GRB10: variants seen among roughly 807,000 people sequenced by gnomAD.
GRB10 encodes growth factor receptor bound protein 10, also known as growth factor receptor-bound protein 10.
In GRB10, 20 loss-of-function variants were observed where a neutral mutation model predicts 80.9. The ratio of observed to expected loss-of-function variants is 0.25; its 90% CI spans 0.17 to 0.36. GRB10 has a LOEUF of 0.36. Ranked by LOEUF, GRB10 falls within the 10% of genes least tolerant of loss-of-function variation. The pLI is 1.00. For missense variants in GRB10, 548 were observed against 747.7 expected, an observed-to-expected ratio of 0.73 and a Z score of 3.12; for synonymous variants, 291 against 291.5, an observed-to-expected ratio of 1.00 and a Z score of 0.02.
chr7:50,663,461 G>C (rs2153630903), intron 7 of GRB10, among the ~76,000 whole-genome samples: 1 of 152,294 alleles, frequency 6.6e-6, no homozygotes, highest in Non-Finnish European at 1.5e-5. Flanking sequence ...CCTCCACTTG[G>C]GATGAGTGCC....
At chr7:50,737,487 A>G (rs1313978359) in intron 3 of GRB10, among the ~76,000 whole-genome samples, 2 of 152,234 alleles carry the variant, frequency 1.3e-5, no homozygotes, top group Non-Finnish European at 1.5e-5. Context: ...CTGTGAGTCA[A>G]TTAAACCTCT....
At chr7:50,629,049 G>C (rs187888624) in intron 7 of GRB10, among the ~76,000 whole-genome samples, 19 of 152,280 alleles carry the variant, frequency 1.2e-4, no homozygotes, top group African/African-American at 4.6e-4. Context: ...AACCATCATA[G>C]GGAATGTCTT....
chr7:50,717,964 A>T (rs1287716094), intron 4 of GRB10, among the ~76,000 whole-genome samples: 2 of 152,148 alleles, frequency 1.3e-5, no homozygotes. Context: ...CCCAGTTCTG[A>T]TCCCCCCAGG....
chr7:50,637,985 AATTGGCTATCTCTATGAAC>A (rs2055397307), intron 7 of GRB10, among the ~76,000 whole-genome samples: 1 of 152,240 alleles, frequency 6.6e-6, no homozygotes, highest in African/African-American at 2.4e-5. Context: ...GTGCTGGGAA[AATTGGCTATCTCTATGAAC>A]ATCTCTATCC....
chr7:50,758,064 A>G (rs182666101), intron 2 of GRB10, among the ~76,000 whole-genome samples: 1 of 152,328 alleles, frequency 6.6e-6, no homozygotes, highest in African/African-American at 2.4e-5. Flanking sequence ...TTGACAAAAC[A>G]AAGACAACAT....
chr7:50,672,683 G>T (rs74908477), intron 6 of GRB10, among the ~76,000 whole-genome samples: 1 of 152,068 alleles, frequency 6.6e-6, no homozygotes, highest in Admixed American at 6.5e-5. Flanking sequence ...GAGGTTCAAG[G>T]GTCCTGGGCA....
rs183084663 is a variant in GRB10, at chr7:50,675,226, C to G, written c.140-568G>C. On this transcript the variant is annotated intron_variant, in intron 5 of 18. Transcript: ENST00000401949. ...ACACATGCCTGAGGGCTTCGGGTGC[C>G]CACCCATCCTCTCGATTGGCCAGAG... is the stretch of plus-strand genomic sequence containing the variant. Among the ~76,000 whole-genome samples the G allele has an allele frequency of 2.7e-3, 406 of 152,354 alleles. 3 individuals carry two copies. The highest frequency in any genetic ancestry group is 7.5e-3 in the South Asian group (36 of 4,830).
intron 4 of GRB10, chr7:50,710,840 A>G (rs763824983): frequency 9.9e-6 from 16 of 1,609,656 alleles, no homozygotes; most frequent in African/African-American, 2.7e-5. Flanking sequence ...CAGCAACTAA[A>G]GGTACTGAGT....
At chr7:50,671,066 G>A (rs1354916202) in intron 6 of GRB10, among the ~76,000 whole-genome samples, 1 of 152,206 alleles carries the variant, frequency 6.6e-6, no homozygotes, top group Non-Finnish European at 1.5e-5. Context: ...CAAAGCGAAT[G>A]TCAAGTGTCT....
At chr7:50,736,448 T>C (rs1040547285) in intron 3 of GRB10, among the ~76,000 whole-genome samples, 2 of 152,012 alleles carry the variant, frequency 1.3e-5, no homozygotes, top group South Asian at 2.1e-4. Context: ...TGATTTTCAG[T>C]AAGGATGCCA....
At chr7:50,665,077 A>G (rs2059663520) in intron 7 of GRB10, among the ~76,000 whole-genome samples, 1 of 152,256 alleles carries the variant, frequency 6.6e-6, no homozygotes, top group Non-Finnish European at 1.5e-5. Context: ...CACAGAAGCT[A>G]TACCTTCCAA....
chr7:50,626,101 G>A (rs923621570), intron 8 of GRB10, among the ~76,000 whole-genome samples: 14 of 152,278 alleles, frequency 9.2e-5, no homozygotes, highest in African/African-American at 3.4e-4. Flanking sequence ...AAGAATTTAA[G>A]CAAAAGTCTG....
chr7:50,742,265 GCGCGCGCACACACACACACACA>G lies in GRB10; in HGVS notation c.-46-9919_-46-9898del, dbSNP rs1563675607. ...TCTATGTGTAAACACACGCGCACGC[GCGCGCGCACACACACACACACA>G]CACACACACACACACACACACACAC... On this transcript the variant is annotated intron_variant, in intron 3 of 18. Coordinates refer to ENST00000401949, the MANE Select transcript of GRB10 (RefSeq NM_001350814.2). Among the ~76,000 whole-genome samples, 787 of 138,848 alleles carry G rather than the reference GCGCGCGCACACACACACACACA, an allele frequency of 5.7e-3. 3 individuals are homozygous for G. The highest frequency in any genetic ancestry group is 0.027 in the South Asian group (118 of 4,416). 91.1% of individuals were successfully genotyped at this position (138,848 alleles called of 152,430 possible). A position where few individuals can be genotyped will look rare whatever the true frequency, so the allele number is the denominator to read the frequency against.
chr7:50,681,998 G>A (rs2061596248), intron 5 of GRB10, among the ~76,000 whole-genome samples: 1 of 152,158 alleles, frequency 6.6e-6, no homozygotes, highest in African/African-American at 2.4e-5. Flanking sequence ...GTGATCCTTA[G>A]AAGAAACAGA....
At chr7:50,716,151 A>G (rs1397553662) in intron 4 of GRB10, among the ~76,000 whole-genome samples, 1 of 152,234 alleles carries the variant, frequency 6.6e-6, no homozygotes, top group Admixed American at 6.5e-5. Context: ...AAGGAGACAG[A>G]GCCATCTGGA....
chr7:50,704,207 A>C (rs1364333109), intron 4 of GRB10, among the ~76,000 whole-genome samples: 1 of 152,150 alleles, frequency 6.6e-6, no homozygotes, highest in Non-Finnish European at 1.5e-5. Context: ...CAATTTAGGC[A>C]GTGAATAGAA....
intron 9 of GRB10, 129 bp from the exon 10 acceptor site, chr7:50,618,268 C>T (rs1162823094): frequency 4.1e-6 from 3 of 737,090 alleles, no homozygotes; most frequent in South Asian, 1.5e-5. Flanking sequence ...TTTAAAATGG[C>T]GGTCCTTTTT....
chr7:50,703,723 A>G (rs917490716), intron 5 of GRB10, 98 bp downstream of exon 5: 3 of 830,640 alleles, frequency 3.6e-6, no homozygotes, highest in Non-Finnish European at 6.2e-6. Flanking sequence ...TTAGAATTGT[A>G]ATCTATTAGT....
At chr7:50,749,820 T>C (rs1270573562) in intron 3 of GRB10, among the ~76,000 whole-genome samples, 3 of 152,220 alleles carry the variant, frequency 2.0e-5, no homozygotes, top group Non-Finnish European at 4.4e-5. Flanking sequence ...CATCCCGTCT[T>C]TGGGCCCACA....
Sources: allele counts gnomAD v4.1 joint callset (sites outside exome capture counted in the v4.1 genomes callset), GRCh38; gene constraint gnomAD v4.1.1; transcripts MANE v1.5; gene names NCBI Gene and HGNC (gene_info 2026-07-23, HGNC 2026-07-21).